Variants in PPEF1 observed in about 807,000 individuals in gnomAD.
PPEF1 encodes the protein serine/threonine-protein phosphatase with EF-hands 1.
A neutral mutation model predicts 53.3 loss-of-function variants in PPEF1; 12 were observed. The observed-to-expected ratio is 0.23, with a 90% confidence interval of 0.14 to 0.36. The LOEUF is 0.36. PPEF1 is among the 10% of genes least tolerant of loss of function. PPEF1 has a pLI of 1.00. For missense variants in PPEF1, 334 were observed against 490.4 expected (o/e 0.68, Z 3.01); for synonymous variants, 165 against 176.7 (o/e 0.93, Z 0.52).
intron 3 of PPEF1, among the ~76,000 whole-genome samples, chrX:18,738,512 T>G (rs1285742355): frequency 8.9e-6 from 1 of 112,346 alleles, no homozygotes; most frequent in African/African-American, 3.2e-5. Context: ...TCTGATAGGC[T>G]TCCCTTTGTG....
intron 10 of PPEF1, among the ~76,000 whole-genome samples, chrX:18,794,611 G>A (rs1411181957): frequency 8.9e-6 from 1 of 112,807 alleles, no homozygotes; most frequent in Non-Finnish European, 1.9e-5. Flanking sequence ...AAGCATGGGG[G>A]CAGTTGGGGT....
intron 4 of PPEF1, among the ~76,000 whole-genome samples, chrX:18,692,784 C>A (rs1166433383): frequency 8.9e-6 from 1 of 111,905 alleles, no homozygotes; most frequent in Non-Finnish European, 1.9e-5. Flanking sequence ...TGCAATCTGG[C>A]AGCTTTAAGC....
intron 13 of PPEF1, among the ~76,000 whole-genome samples, chrX:18,821,240 A>G (rs2047037051): frequency 9.6e-6 from 1 of 104,169 alleles, no homozygotes; most frequent in African/African-American, 3.4e-5. Flanking sequence ...AAAAAAAAAA[A>G]GAAATAATCC....
At chrX:18,824,139 G>T (rs1374028799) in intron 14 of PPEF1, 53 bp downstream of exon 14, 2 of 1,102,433 alleles carry the variant, frequency 1.8e-6, no homozygotes, top group East Asian at 3.1e-5. Context: ...ACATAACTTA[G>T]TCCTTTGAAA....
chrX:18,706,218 A>G (rs889753165), upstream of PPEF1, among the ~76,000 whole-genome samples: 1 of 29,705 alleles, frequency 3.4e-5, no homozygotes, highest in Non-Finnish European at 8.4e-5. Context: ...ACCCTGTCTG[A>G]AAAAAAAAAA....
At chrX:18,726,265 A>G (rs2044702547) in intron 1 of PPEF1, among the ~76,000 whole-genome samples, 2 of 110,661 alleles carry the variant, frequency 1.8e-5, no homozygotes, top group Admixed American at 1.9e-4. Context: ...GAGGCAGAGA[A>G]TTGCTTGAAT....
At chrX:18,734,493 G>A (rs2044920652) in intron 3 of PPEF1, among the ~76,000 whole-genome samples, 1 of 111,100 alleles carries the variant, frequency 9.0e-6, no homozygotes, top group Non-Finnish European at 1.9e-5. Flanking sequence ...ATTCCATGGT[G>A]TATATGTGCC....
intron 13 of PPEF1, 96 bp downstream of exon 13, chrX:18,818,241 C>T: frequency 2.1e-6 from 1 of 483,081 alleles, no homozygotes; most frequent in East Asian, 4.1e-5. Context: ...TTCAGTTCTC[C>T]ATTTTTACTA....
chrX:18,738,770 A>G (rs1436784220), intron 3 of PPEF1, among the ~76,000 whole-genome samples: 1 of 112,486 alleles, frequency 8.9e-6, no homozygotes, highest in African/African-American at 3.2e-5. Flanking sequence ...CACCAATCAG[A>G]TGCAGATTTA....
At chrX:18,732,357 G>C (rs942859714) in intron 2 of PPEF1, among the ~76,000 whole-genome samples, 5 of 112,018 alleles carry the variant, frequency 4.5e-5, no homozygotes, top group African/African-American at 1.6e-4. Context: ...TATGTTTTCA[G>C]TTCTCTTGGG....
chrX:18,805,841 T>TAAAAAAAAAA (rs145416225), intron 11 of PPEF1, among the ~76,000 whole-genome samples: 1 of 85,676 alleles, frequency 1.2e-5, no homozygotes, highest in African/African-American at 4.4e-5. Context: ...GACTCCATCT[T>TAAAAAAAAAA]AAAAAAAAAA....
At chrX:18,795,028 C>T (rs1054056528) in intron 10 of PPEF1, among the ~76,000 whole-genome samples, 9 of 111,780 alleles carry the variant, frequency 8.1e-5, no homozygotes, top group African/African-American at 1.3e-4. Context: ...AGTGATTTTC[C>T]GCTGGGCGTG....
chrX:18,706,991 G>T (rs1005332161), upstream of PPEF1, among the ~76,000 whole-genome samples: 9 of 107,744 alleles, frequency 8.4e-5, no homozygotes, highest in Middle Eastern at 4.9e-3. Flanking sequence ...ACCATGCTTG[G>T]CTAATTTTTG....
At chrX:18,807,007 T>G (rs1435717746) in intron 12 of PPEF1, among the ~76,000 whole-genome samples, 3 of 51,053 alleles carry the variant, frequency 5.9e-5, no homozygotes, top group African/African-American at 2.8e-4. Context: ...TTTTTTGGTT[T>G]TTTTTTTGTT....
chrX:18,758,234 A>G (rs1211897961), intron 5 of PPEF1, among the ~76,000 whole-genome samples: 1 of 112,051 alleles, frequency 8.9e-6, no homozygotes, highest in East Asian at 2.8e-4. Flanking sequence ...CTTTTAAATA[A>G]CAAGATTTGA....
At chrX:18,765,917 T>G (rs1164234481) in intron 6 of PPEF1, among the ~76,000 whole-genome samples, 1 of 107,747 alleles carries the variant, frequency 9.3e-6, no homozygotes, top group Non-Finnish European at 1.9e-5. Context: ...ATACAAAAAT[T>G]AGCCAGATGT....
In PPEF1 at chrX:18,811,202, G is replaced by A. The variant is rs949790616; in HGVS notation, c.1394+4657G>A. On this transcript the variant is annotated intron_variant, in intron 12 of 15. Coordinates refer to ENST00000470157, the MANE Select transcript of PPEF1 (RefSeq NM_001377996.1). ...CGAGTAGCTGGGACTACAGGCATGCGCCACCATGCCCAGCTAATTTGTGTA... is the reference window on the plus strand; with the variant it reads ...CGAGTAGCTGGGACTACAGGCATGCACCACCATGCCCAGCTAATTTGTGTA... Among the ~76,000 whole-genome samples the A allele has an allele frequency of 5.4e-5, 6 of 111,386 alleles. No homozygotes were observed. The East Asian group carries it at 8.5e-4, about 16-fold the overall frequency.
At chrX:18,757,802 T>A (rs753417061) in intron 5 of PPEF1, 61 bp downstream of exon 5, 2 of 852,458 alleles carry the variant, frequency 2.3e-6, no homozygotes, top group South Asian at 4.4e-5. Flanking sequence ...CTACATCGTT[T>A]GCCTAACTTG....
intron 12 of PPEF1, 64 bp downstream of exon 12, chrX:18,806,609 G>A (rs2046671627): frequency 4.9e-6 from 5 of 1,014,079 alleles, no homozygotes; most frequent in Non-Finnish European, 5.2e-6. Context: ...CCAGTCCCAC[G>A]TGACTAAGAG....
Sources: allele counts gnomAD v4.1 joint callset (sites outside exome capture counted in the v4.1 genomes callset), GRCh38; gene constraint gnomAD v4.1.1; transcripts MANE v1.5; gene names NCBI Gene and HGNC (gene_info 2026-07-23, HGNC 2026-07-21).